Variants in PRRC2C observed in about 807,000 individuals in gnomAD.
PRRC2C encodes proline rich coiled-coil 2C, also known as protein PRRC2C.
A neutral mutation model predicts 317.2 loss-of-function variants in PRRC2C; 72 were observed. That is an observed-to-expected ratio of 0.23 (90% CI 0.19 to 0.28). PRRC2C has a LOEUF of 0.28. Among genes scored for constraint, PRRC2C ranks in the 10% least tolerant of loss-of-function variants. The pLI, the probability that PRRC2C is intolerant of heterozygous loss-of-function variation, is 1.00. For missense variants in PRRC2C, 3,074 were observed against 3,459.7 expected, an observed-to-expected ratio of 0.89 and a Z score of 2.80; for synonymous variants, 1,296 against 1,205.9, an observed-to-expected ratio of 1.07 and a Z score of -1.55.
chr1:171,504,353 A>G (rs912951122), intron 1 of PRRC2C, among the ~76,000 whole-genome samples: 1 of 152,208 alleles, frequency 6.6e-6, no homozygotes, highest in Non-Finnish European at 1.5e-5. Context: ...GTCCTTATCT[A>G]AACCCAGTGT....
chr1:171,516,278 T>C (rs767338249), intron 5 of PRRC2C, among the ~76,000 whole-genome samples: 1 of 152,214 alleles, frequency 6.6e-6, no homozygotes, highest in Non-Finnish European at 1.5e-5. Flanking sequence ...AGGGATAGTT[T>C]ATGTACATTA....
Position 171,513,046 on chromosome 1 carries a change from G to A in PRRC2C, c.164G>A (p.Arg55His). 2 of 1,613,692 alleles carry A rather than the reference G, an allele frequency of 1.2e-6. No homozygotes were observed. The highest frequency in any genetic ancestry group is 8.5e-7 in the Non-Finnish European group (1 of 1,179,734). The stretch of plus-strand genomic sequence containing the variant: ...CTTGGAAAAGTCGGTATTTCACGGC[G>A]TATGCCTCCACCTGCTAACCTCCCA... ...QSLGKVGISR[R>H]MPPPANLPSL... The change falls in exon 3 of 35, where the codon CGT (arginine) becomes CAT (histidine). Residue 55 changes from arginine to histidine, a missense_variant. This residue lies in a region of PRRC2C where 71 missense variants were observed against 118.9 expected (regional missense o/e 0.60). Coordinates refer to ENST00000647382, the MANE Select transcript of PRRC2C (RefSeq NM_001387844.1).
intron 1 of PRRC2C, among the ~76,000 whole-genome samples, chr1:171,506,164 T>G (rs1670164258): frequency 6.6e-6 from 1 of 152,200 alleles, no homozygotes; most frequent in Non-Finnish European, 1.5e-5. Flanking sequence ...CCCAAAGTGC[T>G]GGGAATACAG....
intron 11 of PRRC2C, among the ~76,000 whole-genome samples, chr1:171,529,124 G>T (rs1390929896): frequency 6.6e-6 from 1 of 152,044 alleles, no homozygotes; most frequent in Non-Finnish European, 1.5e-5. Context: ...ACTTGCATCT[G>T]AGACACCTCG....
Position 171,591,604 on chromosome 1 carries a change from G to A in PRRC2C, c.8454G>A (p.Glu2818=). Residue 2818 remains glutamate, a synonymous_variant, in exon 35 of 35, where the codon GAG becomes GAA. Coordinates refer to ENST00000647382, the MANE Select transcript of PRRC2C (RefSeq NM_001387844.1). Reference sequence around the variant, plus strand: ...TTTTTAAGGCAAAGCAGAGAGCAGAGGTTCTTCAGTCCACGCAACGGTTCT... The same window carrying A: ...TTTTTAAGGCAAAGCAGAGAGCAGAAGTTCTTCAGTCCACGCAACGGTTCT... ...EQDMKAKQRA[E]VLQSTQRFFS... The A allele has an allele frequency of 1.9e-6, 3 of 1,613,822 alleles. No individual in the cohort carries two copies. The highest frequency in any genetic ancestry group is 4.5e-5 in the East Asian group (2 of 44,870).
chr1:171,533,112 C>T (rs907756029), intron 12 of PRRC2C, among the ~76,000 whole-genome samples, 151 bp downstream of exon 12: 1 of 152,114 alleles, frequency 6.6e-6, no homozygotes, highest in African/African-American at 2.4e-5. Flanking sequence ...GGGCTAGAGC[C>T]GTGTTTTCTA....
chr1:171,589,320 T>G (rs763750252), intron 33 of PRRC2C, 49 bp from the exon 34 acceptor site: 49 of 709,214 alleles, frequency 6.9e-5, no homozygotes, highest in African/African-American at 1.3e-4. Flanking sequence ...TTTTTTTTTT[T>G]TTTTTTTTTT....
intron 23 of PRRC2C, among the ~76,000 whole-genome samples, chr1:171,569,801 T>A (rs1032819715): frequency 6.6e-6 from 1 of 151,484 alleles, no homozygotes; most frequent in African/African-American, 2.4e-5. Flanking sequence ...TCTACGATAG[T>A]GGTTTTTAAA....
At chr1:171,499,593 C>T (rs558909380) in intron 1 of PRRC2C, among the ~76,000 whole-genome samples, 68 of 152,160 alleles carry the variant, frequency 4.5e-4, no homozygotes, top group Middle Eastern at 3.4e-3. Context: ...CACTTGAGGT[C>T]GGGAGTTCGA....
At chr1:171,523,754 G>A (rs748463522) in intron 9 of PRRC2C, among the ~76,000 whole-genome samples, 4 of 152,142 alleles carry the variant, frequency 2.6e-5, no homozygotes, top group South Asian at 2.1e-4. Context: ...AAACATTTAG[G>A]GCTGGGTGCG....
In PRRC2C at chr1:171,560,316, C is replaced by T. The variant is rs147340122; in HGVS notation, c.6032-702C>T. ...AAAGTTGTTTTTTGTGATGGAATCT[C>T]CTGGTGAAGATGCTGTGGACATTGT... is the stretch of plus-strand genomic sequence containing the variant. On this transcript the variant is annotated intron_variant, in intron 19 of 34. Transcript: ENST00000647382. 2.9e-3 allele frequency among the ~76,000 whole-genome samples: 446 copies of T among 152,278 alleles called. 1 individual carries two copies. Among genetic ancestry groups the T allele is most frequent in the African/African-American group, 0.01 (427 of 41,554 alleles).
intron 1 of PRRC2C, among the ~76,000 whole-genome samples, chr1:171,505,171 G>T (rs2102179279): frequency 6.6e-6 from 1 of 152,134 alleles, no homozygotes; most frequent in East Asian, 1.9e-4. Context: ...GGGATTACAG[G>T]CATGTGCCAC....
rs1161677774 is a variant in PRRC2C, at chr1:171,557,966, T to C, written c.5854T>C (p.Ser1952Pro). ...GAATCCACTACAGACTACATCTCAG[T>C]CTTCAAAACAACCACCACCATCAAT... ...VQNPLQTTSQ[S>P]SKQPPPSIRL... The change falls in exon 19 of 35, where the codon TCT becomes CCT. Residue 1952 changes from serine (S) to proline (P), a missense_variant. Ser to Pro is a moderately conservative substitution (Grantham distance 74, BLOSUM62 -1). Coordinates refer to ENST00000647382, the MANE Select transcript of PRRC2C (RefSeq NM_001387844.1). The C allele has an allele frequency of 6.2e-7, 1 of 1,611,936 alleles. No homozygotes were observed. The highest frequency in any genetic ancestry group is 8.5e-7 in the Non-Finnish European group (1 of 1,179,244).
chr1:171,586,975 C>G (rs1227990742), intron 30 of PRRC2C, 28 bp from the exon 31 acceptor site: 13 of 1,486,834 alleles, frequency 8.7e-6, no homozygotes, highest in Non-Finnish European at 1.0e-5. Context: ...AAACAAATTG[C>G]TTCAGTTTCT....
chr1:171,521,106 GAAATTTCTTC>G (rs1364526522), intron 6 of PRRC2C, among the ~76,000 whole-genome samples: 2 of 152,176 alleles, frequency 1.3e-5, no homozygotes, highest in East Asian at 3.9e-4. Flanking sequence ...ACCTGGCTGA[GAAATTTCTTC>G]TTTAGACAGC....
intron 26 of PRRC2C, among the ~76,000 whole-genome samples, chr1:171,578,742 C>G (rs1327311848): frequency 1.3e-5 from 2 of 152,088 alleles, no homozygotes; most frequent in African/African-American, 2.4e-5. Flanking sequence ...GTGGCGCACA[C>G]TCAGCTGCTC....
intron 20 of PRRC2C, 62 bp downstream of exon 20, chr1:171,561,165 G>C: frequency 7.0e-7 from 1 of 1,437,358 alleles, no homozygotes; most frequent in Non-Finnish European, 9.8e-7. Flanking sequence ...CAGTGTGGCC[G>C]GGTGTGGTGG....
At chr1:171,523,570 A>G in intron 9 of PRRC2C, 48 bp downstream of exon 9, 1 of 1,402,268 alleles carries the variant, frequency 7.1e-7, no homozygotes, top group Non-Finnish European at 1.0e-6. Flanking sequence ...TTGTTGATAC[A>G]ATATTAGCTA....
intron 1 of PRRC2C, among the ~76,000 whole-genome samples, chr1:171,494,595 A>G (rs747485209): frequency 2.6e-5 from 4 of 152,160 alleles, no homozygotes; most frequent in African/African-American, 4.8e-5. Flanking sequence ...TGACAGGCTT[A>G]CCTTGCTTTT....
Sources: gnomAD v4.1 joint callset for allele counts (sites outside exome capture counted in the v4.1 genomes callset) on GRCh38, gnomAD v4.1.1 for gene constraint, gnomAD v4.1.1 regional missense constraint, MANE v1.5 for transcripts, NCBI Gene and HGNC (gene_info 2026-07-23, HGNC 2026-07-21) for gene names.